RLIM: variants seen among roughly 807,000 people sequenced by gnomAD.
The protein encoded by RLIM is E3 ubiquitin-protein ligase RLIM.
Under a neutral mutation model 34.0 loss-of-function variants are expected in RLIM, and 2 were observed. The observed-to-expected ratio is 0.06, with a 90% CI of 0.02 to 0.19. The LOEUF (loss-of-function observed/expected upper bound fraction) is 0.19, where lower values mean the gene tolerates loss of function less well. Ranked by LOEUF, RLIM falls within the 10% of genes least tolerant of loss-of-function variation. The probability of loss-of-function intolerance (pLI) is 1.00; values close to 1 mark genes in which losing one functional copy is unlikely to be tolerated. For missense variants in RLIM, 286 were observed against 479.7 expected (o/e 0.60, Z 3.77); for synonymous variants, 169 against 164.0 (o/e 1.03, Z -0.23).
At chrX:74,602,735 A>G (rs2079666615) in intron 1 of RLIM, among the ~76,000 whole-genome samples, 1 of 111,056 alleles carries the variant, frequency 9.0e-6, no homozygotes, top group South Asian at 3.8e-4. Flanking sequence ...TCAAAAACAA[A>G]AGCAGACTAC....
intron 1 of RLIM, among the ~76,000 whole-genome samples, chrX:74,602,242 A>G (rs1381465789): frequency 8.9e-6 from 1 of 111,967 alleles, no homozygotes; most frequent in African/African-American, 3.3e-5. Context: ...AATAACCCAT[A>G]GTAAAAGTAC....
chrX:74,603,578 C>T (rs1346210369), intron 1 of RLIM, among the ~76,000 whole-genome samples: 1 of 111,657 alleles, frequency 9.0e-6, no homozygotes, highest in Non-Finnish European at 1.9e-5. Flanking sequence ...AAAACTTCTG[C>T]CAAATGCCAC....
At chrX:74,605,922 C>T (rs1216461879) in intron 1 of RLIM, among the ~76,000 whole-genome samples, 1 of 111,838 alleles carries the variant, frequency 8.9e-6, no homozygotes, top group African/African-American at 3.3e-5. Context: ...TGGGAAAGGG[C>T]CAGTAATTAA....
chrX:74,603,199 C>G (rs1000541957), intron 1 of RLIM, among the ~76,000 whole-genome samples: 4 of 110,625 alleles, frequency 3.6e-5, no homozygotes, highest in African/African-American at 1.3e-4. Context: ...AAGCTACATA[C>G]TCCAGTGACA....
chrX:74,598,152 T>A (rs2079647190), intron 1 of RLIM, among the ~76,000 whole-genome samples: 1 of 112,077 alleles, frequency 8.9e-6, no homozygotes, highest in African/African-American at 3.2e-5. Context: ...CACACAAATT[T>A]GTAGCACATA....
In RLIM at chrX:74,589,846, A is replaced by C. The variant is rs1272006532; in HGVS notation, c.*1594T>G. On this transcript the variant is annotated 3_prime_UTR_variant, in exon 4 of 4. Coordinates refer to ENST00000332687, the MANE Select transcript of RLIM (RefSeq NM_016120.4). Reference sequence around the variant, plus strand: ...GTCTCAAAAAAGAAATTAGGCAAGAAGACTGGGGTTATCATGAAGTTACTC... The same window carrying C: ...GTCTCAAAAAAGAAATTAGGCAAGACGACTGGGGTTATCATGAAGTTACTC... 3 of 112,336 alleles carry C rather than the reference A, an allele frequency of 2.7e-5. No homozygotes were observed. In the East Asian group the frequency reaches 8.4e-4, roughly 31 times the overall value. The allele number at this position is 112,336 out of a possible 1,213,427, so 9.3% of individuals were successfully genotyped here.
Sources: allele counts gnomAD v4.1 joint callset (sites outside exome capture counted in the v4.1 genomes callset), GRCh38; gene constraint gnomAD v4.1.1; transcripts MANE v1.5; gene names NCBI Gene and HGNC (gene_info 2026-07-23, HGNC 2026-07-21).